Variants in AFG2A observed in about 807,000 individuals in gnomAD.
AFG2A encodes AAA ATPase AFG2A.
chr4:123,028,934 A>G, the AFG2A span, among the ~76,000 whole-genome samples: 1 of 152,192 alleles, frequency 6.6e-6, no homozygotes, highest in Admixed American at 6.5e-5. Context: ...CATGATATGT[A>G]GTTGTACACT....
chr4:122,962,290 GTAT>G, the AFG2A span, among the ~76,000 whole-genome samples: 27 of 152,174 alleles, frequency 1.8e-4, no homozygotes, highest in Non-Finnish European at 3.8e-4. Flanking sequence ...TACAAGGGAC[GTAT>G]TATTGTAGCT....
the AFG2A span, chr4:122,938,115 T>G: frequency 6.3e-7 from 1 of 1,580,662 alleles, no homozygotes; most frequent in Non-Finnish European, 8.6e-7. Flanking sequence ...ATTTTACTTG[T>G]TTGTTTTTAG....
the AFG2A span, among the ~76,000 whole-genome samples, chr4:123,001,713 T>C: frequency 6.6e-6 from 1 of 152,140 alleles, no homozygotes; most frequent in Admixed American, 6.6e-5. Flanking sequence ...TGAGGAGAGC[T>C]TTACTTCCAA....
At chr4:123,255,294 G>A in the AFG2A span, among the ~76,000 whole-genome samples, 6 of 152,024 alleles carry the variant, frequency 3.9e-5, no homozygotes, top group African/African-American at 1.4e-4. Context: ...ACCAAGGCAG[G>A]CAGATCGAAC....
the AFG2A span, among the ~76,000 whole-genome samples, chr4:122,948,264 A>G: frequency 6.6e-6 from 1 of 152,022 alleles, no homozygotes; most frequent in Non-Finnish European, 1.5e-5. Flanking sequence ...TGTAGTCTAT[A>G]TGCAAGTACT....
At chr4:123,087,978 A>G in the AFG2A span, among the ~76,000 whole-genome samples, 2 of 152,178 alleles carry the variant, frequency 1.3e-5, no homozygotes, top group Non-Finnish European at 2.9e-5. Context: ...GCAGGCAGCC[A>G]TGGTGTTTCT....
the AFG2A span, among the ~76,000 whole-genome samples, chr4:123,255,096 T>C: frequency 6.6e-6 from 1 of 152,300 alleles, no homozygotes; most frequent in South Asian, 2.1e-4. Context: ...CCTGAGTGGC[T>C]GGGACTACAG....
chr4:123,179,621 C>T, the AFG2A span, among the ~76,000 whole-genome samples: 2 of 152,230 alleles, frequency 1.3e-5, no homozygotes, highest in Admixed American at 1.3e-4. Flanking sequence ...ACCTCAGCCT[C>T]CCAAACTGCT....
At chr4:123,230,702 G>A in the AFG2A span, among the ~76,000 whole-genome samples, 2 of 151,886 alleles carry the variant, frequency 1.3e-5, no homozygotes, top group African/African-American at 4.8e-5. Flanking sequence ...ATTCATTAGA[G>A]GAATCACTAT....
the AFG2A span, among the ~76,000 whole-genome samples, chr4:123,139,780 C>T: frequency 2.0e-5 from 3 of 151,960 alleles, no homozygotes; most frequent in African/African-American, 7.2e-5. Flanking sequence ...TAAATAGGAG[C>T]AATTTTGGGA....
At chr4:123,290,075 T>C in the AFG2A span, among the ~76,000 whole-genome samples, 1 of 152,166 alleles carries the variant, frequency 6.6e-6, no homozygotes, top group African/African-American at 2.4e-5. Context: ...GTTGTTTGAA[T>C]TCTTTGTAAA....
chr4:122,975,697 G>A, the AFG2A span, among the ~76,000 whole-genome samples: 71 of 152,158 alleles, frequency 4.7e-4, no homozygotes, highest in Non-Finnish European at 6.9e-4. Context: ...ATAATGGACA[G>A]TAAGCATGTC....
the AFG2A span, among the ~76,000 whole-genome samples, chr4:123,220,618 A>T: frequency 1.3e-5 from 2 of 150,378 alleles, no homozygotes; most frequent in Non-Finnish European, 3.0e-5. Context: ...CAACTCAAAA[A>T]AAAAAAAAAA....
the AFG2A span, among the ~76,000 whole-genome samples, chr4:123,190,540 T>C: frequency 4.6e-5 from 7 of 152,206 alleles, no homozygotes; most frequent in African/African-American, 1.7e-4. Flanking sequence ...GCCAGAAGAA[T>C]GAGAAAGGCC....
At chr4:123,101,507 C>T in the AFG2A span, among the ~76,000 whole-genome samples, 4 of 151,714 alleles carry the variant, frequency 2.6e-5, no homozygotes, top group Admixed American at 1.3e-4. Context: ...TATTTAAAAC[C>T]AGCTATTTTA....
the AFG2A span, among the ~76,000 whole-genome samples, chr4:122,969,936 A>G: frequency 6.6e-6 from 1 of 152,230 alleles, no homozygotes; most frequent in African/African-American, 2.4e-5. Context: ...TGAATGGTAT[A>G]TACTACAGTG....
the AFG2A span, among the ~76,000 whole-genome samples, chr4:123,275,952 T>C: frequency 6.6e-6 from 1 of 152,198 alleles, no homozygotes; most frequent in African/African-American, 2.4e-5. Context: ...ACAGTGAACA[T>C]ACATGTGTCT....
At chr4:122,988,401 CTTTT>C in the AFG2A span, among the ~76,000 whole-genome samples, 6 of 123,046 alleles carry the variant, frequency 4.9e-5, no homozygotes, top group Non-Finnish European at 3.5e-5. Flanking sequence ...GTCATTCTTT[CTTTT>C]TTTTTTTTTT....
At chr4:123,081,622 G>C in the AFG2A span, among the ~76,000 whole-genome samples, 1 of 152,162 alleles carries the variant, frequency 6.6e-6, no homozygotes, top group Non-Finnish European at 1.5e-5. Context: ...GTGGATATAA[G>C]TTTTCTATTC....
Sources: allele counts gnomAD v4.1 joint callset (sites outside exome capture counted in the v4.1 genomes callset), GRCh38; gene constraint gnomAD v4.1.1; transcripts MANE v1.5; gene names NCBI Gene and HGNC (gene_info 2026-07-23, HGNC 2026-07-21).